The following TTN variants were observed in gnomAD, a reference collection of about 807,000 sequenced individuals.
TTN encodes titin, also known as connectin.
Under a neutral mutation model 3,223.0 loss-of-function variants are expected in TTN, and 1,525 were observed. The ratio of observed to expected loss-of-function variants is 0.47; its 90% CI spans 0.45 to 0.49. The LOEUF (loss-of-function observed/expected upper bound fraction) is 0.49. TTN is among the 20% of genes least tolerant of loss of function. The pLI is 0.00. For synonymous variants in TTN, 14,094 were observed against 15,161.0 expected, an observed-to-expected ratio of 0.93 and a Z score of 5.17; for missense variants, 40,786 against 43,424.0, an observed-to-expected ratio of 0.94 and a Z score of 5.40.
chr2:178,615,071 G>T, intron 259 of TTN, 103 bp from the exon 260 acceptor site: 1 of 1,076,744 alleles, frequency 9.3e-7, no homozygotes, highest in Non-Finnish European at 1.3e-6. Flanking sequence ...TATAATACTA[G>T]TCTTTAAATT....
intron 335 of TTN, 146 bp downstream of exon 335, chr2:178,551,484 T>G: frequency 1.2e-6 from 1 of 803,984 alleles, no homozygotes; most frequent in Non-Finnish European, 1.8e-6. Flanking sequence ...TGACTTAAAA[T>G]AATTCCTCTT....
chr2:178,625,488 T>C, intron 240 of TTN, 92 bp from the exon 241 acceptor site: 1 of 1,373,716 alleles, frequency 7.3e-7, no homozygotes, highest in Non-Finnish European at 9.5e-7. Context: ...GAAATAGAGC[T>C]TTCCAAGTTG....
chr2:178,734,925 C>T lies in TTN; in HGVS notation c.14999G>A (p.Arg5000His), dbSNP rs377062348. The change falls in exon 51 of 363, where the codon CGC becomes CAC. Residue 5000 changes from arginine to histidine, a missense_variant. Transcript: ENST00000589042. Reference sequence around the variant, plus strand: ...TGAGCCTTTCAGCTTGCAATGGAGGCGTGCTGATTCACCTGGGAGCATTAA... The same window carrying T: ...TGAGCCTTTCAGCTTGCAATGGAGGTGTGCTGATTCACCTGGGAGCATTAA... ...SYLMLPGESARLHCKLKGSPV... is the reference protein window; with the variant it reads ...SYLMLPGESAHLHCKLKGSPV... 2.4e-5 allele frequency: 39 copies of T among 1,611,166 alleles called. No homozygotes were observed. The highest frequency in any genetic ancestry group is 1.2e-4 in the South Asian group (11 of 90,862).
At position 178,562,550 on chromosome 2, in the gene TTN, G is replaced by A; in HGVS notation, c.83582C>T (p.Ser27861Phe). ...TCTTCCAGGTGGGAGGGGTGGTTCAGACACTTTAACGGGTTCTGTTGTTTC... is the reference window on the plus strand; with the variant it reads ...TCTTCCAGGTGGGAGGGGTGGTTCAAACACTTTAACGGGTTCTGTTGTTTC... ...PAETTEPVKV[S>F]EPPLPPGRVT... Residue 27861 changes from serine (S) to phenylalanine (F), a missense_variant, in exon 326 of 363, where the codon TCT becomes TTT. Transcript: ENST00000589042. 2 of 1,610,536 alleles carry A rather than the reference G, an allele frequency of 1.2e-6. No homozygotes were observed. Among genetic ancestry groups the A allele is most frequent in the Non-Finnish European group, 1.7e-6 (2 of 1,178,638 alleles).
intron 136 of TTN, 93 bp from the exon 137 acceptor site, chr2:178,681,543 A>G: frequency 6.9e-7 from 1 of 1,453,908 alleles, no homozygotes; most frequent in Non-Finnish European, 9.4e-7. Flanking sequence ...AATACAACAT[A>G]ATATTCCCAA....
intron 117 of TTN, 198 bp downstream of exon 117, chr2:178,694,401 G>A: frequency 2.1e-6 from 1 of 478,750 alleles, no homozygotes; most frequent in Non-Finnish European, 3.7e-6. Context: ...TAATTTTTAA[G>A]CAGAACTAGA....
rs368507077 is a variant in TTN, at chr2:178,582,605, G to C, written c.65864-13C>G. The C allele has an allele frequency of 6.3e-7, 1 of 1,589,940 alleles. No individual in the cohort carries two copies. Among genetic ancestry groups the C allele is most frequent in the African/African-American group, 1.3e-5 (1 of 74,446 alleles). ...GGACCCGGTTTATCTGAAGGAATAAGGAAGAAGAGTGAATATGTGGAATGG... is the reference window on the plus strand; with the variant it reads ...GGACCCGGTTTATCTGAAGGAATAACGAAGAAGAGTGAATATGTGGAATGG... On this transcript the variant is annotated splice_polypyrimidine_tract_variant and intron_variant, in intron 313 of 362. Coordinates refer to ENST00000589042, the MANE Select transcript of TTN (RefSeq NM_001267550.2).
rs1560106819 is a variant in TTN at position 178,652,271 on chromosome 2, G to C, written c.39204C>G (p.Pro13068=). Residue 13068 remains proline (P), a synonymous_variant, in exon 203 of 363, where the codon CCC becomes CCG. Coordinates refer to ENST00000589042, the MANE Select transcript of TTN (RefSeq NM_001267550.2). ...VPPPKKPEVP[P]TKVPEVPKVA... ...CACCATGAGGGTGTCTACCTTTTGT[G>C]GGTGGCACTTCAGGCTTTTTAGGAG... 6.2e-7 allele frequency: 1 copy of C among 1,613,580 alleles called. No individual in the cohort carries two copies. Among genetic ancestry groups the C allele is most frequent in the South Asian group, 1.1e-5 (1 of 91,056 alleles).
intron 288 of TTN, among the ~76,000 whole-genome samples, chr2:178,600,273 A>G (rs1160836562): frequency 6.6e-6 from 1 of 151,906 alleles, no homozygotes; most frequent in African/African-American, 2.4e-5. Context: ...ATAAAAGGAA[A>G]GCAATTTTCC....
chr2:178,766,604 C>T lies in TTN; in HGVS notation c.9480G>A (p.Glu3160=), dbSNP rs1293057299. ...RSIKKEVQVI[E]KQRAVVEFEV... is the part of the protein sequence containing the mutation. ...CAAATTCAACAACAGCACGCTGTTTCTCAATGACCTGTTGATGGAACAACA... is the reference window on the plus strand; with the variant it reads ...CAAATTCAACAACAGCACGCTGTTTTTCAATGACCTGTTGATGGAACAACA... Residue 3160 remains glutamate, a synonymous_variant, in exon 41 of 363, where the codon GAG becomes GAA. Transcript: ENST00000589042. 8 of 1,612,170 alleles carry T rather than the reference C, an allele frequency of 5.0e-6. No individual in the cohort carries two copies. Among genetic ancestry groups the T allele is most frequent in the Non-Finnish European group, 5.9e-6 (7 of 1,178,592 alleles).
At chr2:178,594,716 A>G (rs1239591458) in intron 295 of TTN, 70 bp from the exon 296 acceptor site, 1 of 1,275,554 alleles carries the variant, frequency 7.8e-7, no homozygotes, top group African/African-American at 1.5e-5. Flanking sequence ...GATGTAGTGA[A>G]TATTCCTTTT....
chr2:178,742,509 C>T (rs1412828733), intron 47 of TTN, among the ~76,000 whole-genome samples: 1 of 151,988 alleles, frequency 6.6e-6, no homozygotes, highest in African/African-American at 2.4e-5. Flanking sequence ...TGTAAATCAC[C>T]ATATTACTTG....
Position 178,664,090 on chromosome 2 carries a change from C to G in TTN, c.36289G>C (p.Ala12097Pro), listed in dbSNP as rs981859343. 5.0e-6 allele frequency: 8 copies of G among 1,610,042 alleles called. No individual in the cohort carries two copies. The highest frequency in any genetic ancestry group is 6.8e-6 in the Non-Finnish European group (8 of 1,178,988). ...AEVVPVKVHEAPKEIIPEKKV... is the reference protein window; with the variant it reads ...AEVVPVKVHEPPKEIIPEKKV... ...TTTTCAGGGATAATCTCTTTGGGAG[C>G]TTCGTGCACTTGAAAGATATTAGTA... Residue 12097 changes from alanine to proline, a missense_variant, in exon 169 of 363, where the codon GCT (alanine) becomes CCT (proline). Ala to Pro is a conservative substitution (Grantham distance 27). Coordinates refer to ENST00000589042, the MANE Select transcript of TTN (RefSeq NM_001267550.2).
chr2:178,652,166 T>C lies in TTN; in HGVS notation c.39225A>G (p.Pro13075=). The change falls in exon 204 of 363, where the codon CCA becomes CCG. Residue 13075 remains proline, a synonymous_variant. Transcript: ENST00000589042. The part of the protein sequence containing the change: ...EVPPTKVPEV[P]KVAVPEKKVP... ...CCTTCTTTTCTGGGACAGCTACCTTTGGCACCTCTGGGACTTTAAAAGATA... is the reference window on the plus strand; with the variant it reads ...CCTTCTTTTCTGGGACAGCTACCTTCGGCACCTCTGGGACTTTAAAAGATA... The C allele has an allele frequency of 6.2e-7, 1 of 1,612,196 alleles. No homozygotes were observed. Among genetic ancestry groups the C allele is most frequent in the Non-Finnish European group, 8.5e-7 (1 of 1,179,630 alleles).
At chr2:178,750,555 C>A (rs2085160470) in intron 47 of TTN, 1 of 1,612,182 alleles carries the variant, frequency 6.2e-7, no homozygotes, top group Admixed American at 1.7e-5. Flanking sequence ...GATTCAATTT[C>A]TTGAAGAAAT....
In TTN at chr2:178,543,236, G is replaced by T. The variant is rs1300990720; in HGVS notation, c.96737C>A (p.Thr32246Lys). The T allele has an allele frequency of 6.2e-7, 1 of 1,613,510 alleles. No individual in the cohort carries two copies. Among genetic ancestry groups the T allele is most frequent in the East Asian group, 2.2e-5 (1 of 44,864 alleles). The change falls in exon 347 of 363, where the codon ACA becomes AAA. Residue 32246 changes from threonine to lysine, a missense_variant. Coordinates refer to ENST00000589042, the MANE Select transcript of TTN (RefSeq NM_001267550.2). ...GGTGACAACCTTCATCCATCTCTCT[G>T]TGCCAGCTTTGCAGGCCTCGAGAAC... is the stretch of plus-strand genomic sequence containing the variant. ...GYVLEACKAG[T>K]ERWMKVVTLK... is the part of the protein sequence containing the mutation.
Position 178,717,786 on chromosome 2 carries a change from G to A in TTN, c.25088C>T (p.Ala8363Val). The A allele has an allele frequency of 6.2e-7, 1 of 1,607,530 alleles. No homozygotes were observed. The highest frequency in any genetic ancestry group is 8.5e-7 in the Non-Finnish European group (1 of 1,176,684). ...CTCATGAACGTCTTTCAGTTTTCTT[G>A]CAAAGAAAGGTGGAAGTTTGCGCGC... ...IKARKLPPFF[A>V]RKLKDVHETL... Residue 8363 changes from alanine to valine, a missense_variant, in exon 87 of 363, where the codon GCA becomes GTA. Transcript: ENST00000589042.
At position 178,574,530 on chromosome 2, in the gene TTN, G is replaced by A. The variant is rs397517689; in HGVS notation, c.71602C>T (p.Arg23868Ter). ...ILGYHVERKE[R>*]NGILWQTVSK... is the part of the protein sequence containing the mutation. Reference sequence around the variant, plus strand: ...ACAGTCTGCCAGAGAATACCATTTCGTTCTTTTCTTTCAACATGATATCCT... The same window carrying A: ...ACAGTCTGCCAGAGAATACCATTTCATTCTTTTCTTTCAACATGATATCCT... The change falls in exon 326 of 363, where the codon CGA becomes TGA. Residue 23868 changes from arginine to a stop codon, truncating the protein, a stop_gained. Transcript: ENST00000589042. LOFTEE classifies it high-confidence loss of function. 3.7e-6 allele frequency: 6 copies of A among 1,613,536 alleles called. No individual in the cohort carries two copies. Among genetic ancestry groups the A allele is most frequent in the African/African-American group, 1.3e-5 (1 of 75,002 alleles).
chr2:178,735,422 G>T, intron 50 of TTN, 89 bp downstream of exon 50: 1 of 1,226,132 alleles, frequency 8.2e-7, no homozygotes, highest in East Asian at 2.6e-5. Context: ...TAATAACAAA[G>T]TGTACTGACT....
Sources: allele counts gnomAD v4.1 joint callset (sites outside exome capture counted in the v4.1 genomes callset), GRCh38; gene constraint gnomAD v4.1.1; transcripts MANE v1.5; gene names NCBI Gene and HGNC (gene_info 2026-07-23, HGNC 2026-07-21).